UBE2E2: variants seen among roughly 807,000 people sequenced by gnomAD.
The protein encoded by UBE2E2 is ubiquitin conjugating enzyme E2 E2.
A neutral mutation model predicts 24.7 loss-of-function variants in UBE2E2; 6 were observed. The ratio of observed to expected loss-of-function variants is 0.24; its 90% CI spans 0.13 to 0.48. The LOEUF is 0.48. UBE2E2 is among the 20% of genes least tolerant of loss of function. UBE2E2 has a pLI of 0.99. For synonymous variants in UBE2E2, 104 were observed against 83.6 expected, an observed-to-expected ratio of 1.24 and a Z score of -1.33; for missense variants, 169 against 245.0, an observed-to-expected ratio of 0.69 and a Z score of 2.07.
chr3:23,512,052 C>T (rs1181628411), intron 4 of UBE2E2, among the ~76,000 whole-genome samples: 1 of 152,040 alleles, frequency 6.6e-6, no homozygotes, highest in Non-Finnish European at 1.5e-5. Context: ...AGGCCAGGGT[C>T]AGGATTAGAA....
rs1559384674 is a variant in UBE2E2, at chr3:23,441,414, C to T, written c.228-58194C>T. On this transcript the variant is annotated intron_variant, in intron 3 of 5. Transcript: ENST00000396703. ...ATTAGCTGGGCATGGTGGCGGGCGC[C>T]TGTAGTCCCAGCTACTCGGGAGGCT... Among the ~76,000 whole-genome samples the T allele has an allele frequency of 2.6e-5, 4 of 151,334 alleles. No homozygotes were observed. In the South Asian group the frequency reaches 6.3e-4, roughly 24 times the overall value.
chr3:23,294,725 A>G (rs1337307311), intron 3 of UBE2E2, among the ~76,000 whole-genome samples: 1 of 147,878 alleles, frequency 6.8e-6, no homozygotes, highest in Non-Finnish European at 1.5e-5. Flanking sequence ...AATAAATAAT[A>G]TATTTTAAAG....
chr3:23,433,403 T>C (rs1698110784), intron 3 of UBE2E2, among the ~76,000 whole-genome samples: 1 of 151,842 alleles, frequency 6.6e-6, no homozygotes, highest in African/African-American at 2.4e-5. Flanking sequence ...AGTGATAGAG[T>C]TCTTGAGTGT....
intron 3 of UBE2E2, among the ~76,000 whole-genome samples, chr3:23,334,097 G>A (rs192562201): frequency 5.7e-4 from 86 of 152,208 alleles, no homozygotes; most frequent in African/African-American, 1.9e-3. Context: ...ATCTTAAATT[G>A]AAATATGCAC....
intron 3 of UBE2E2, among the ~76,000 whole-genome samples, chr3:23,246,154 C>A (rs951240012): frequency 6.6e-6 from 1 of 151,858 alleles, no homozygotes; most frequent in Admixed American, 6.6e-5. Flanking sequence ...AAGTGGGGCT[C>A]AAGTGATCCT....
intron 1 of UBE2E2, chr3:23,204,612 G>A (rs1696096280): frequency 1.6e-5 from 14 of 897,094 alleles, no homozygotes; most frequent in Non-Finnish European, 1.9e-5. Context: ...TGGCTCTTTG[G>A]AATTCTGTAT....
chr3:23,550,885 A>G (rs1406206678), intron 5 of UBE2E2, among the ~76,000 whole-genome samples: 1 of 152,224 alleles, frequency 6.6e-6, no homozygotes, highest in Non-Finnish European at 1.5e-5. Flanking sequence ...GGGATTGTAC[A>G]GAGAGAATGC....
intron 3 of UBE2E2, among the ~76,000 whole-genome samples, chr3:23,218,077 A>G (rs1309204936): frequency 6.6e-6 from 1 of 152,120 alleles, no homozygotes; most frequent in Admixed American, 6.6e-5. Context: ...TCTGGTTTAA[A>G]ATGATAATCT....
Position 23,214,579 on chromosome 3 carries a change from GT to G in UBE2E2, c.177-2673del, listed in dbSNP as rs145539000. Among the ~76,000 whole-genome samples the G allele has an allele frequency of 8.2e-3, 1,190 of 144,872 alleles. 10 individuals are homozygous for G. Among genetic ancestry groups the G allele is most frequent in the African/African-American group, 0.027 (1,076 of 39,538 alleles). ...CCCAGGATTTATGAGTTTTTTTTTT[GT>G]TTTTTTTTTAAACCTAAAGGGCAGT... On this transcript the variant is annotated intron_variant, in intron 2 of 5. Transcript: ENST00000396703.
intron 3 of UBE2E2, among the ~76,000 whole-genome samples, chr3:23,419,712 T>C (rs549659565): frequency 6.6e-6 from 1 of 152,338 alleles, no homozygotes; most frequent in South Asian, 2.1e-4. Context: ...TTATGGCCTT[T>C]GTGTCTCGTA....
intron 3 of UBE2E2, among the ~76,000 whole-genome samples, chr3:23,312,884 A>G (rs1481058273): frequency 6.6e-6 from 1 of 151,970 alleles, no homozygotes; most frequent in African/African-American, 2.4e-5. Flanking sequence ...TTTAATTTCC[A>G]TGTGTTTATA....
At chr3:23,203,997 AG>A (rs947091416) in intron 1 of UBE2E2, among the ~76,000 whole-genome samples, 2 of 151,772 alleles carry the variant, frequency 1.3e-5, no homozygotes, top group African/African-American at 4.8e-5. Flanking sequence ...TGTCCTGGTG[AG>A]GGGTGTGTGT....
chr3:23,446,146 T>C (rs770772063), intron 3 of UBE2E2, among the ~76,000 whole-genome samples: 1 of 152,224 alleles, frequency 6.6e-6, no homozygotes, highest in Non-Finnish European at 1.5e-5. Flanking sequence ...TCGGGGTCTC[T>C]GATAAATGGA....
At position 23,579,444 on chromosome 3, in the gene UBE2E2, G is replaced by A. The variant is rs111643332; in HGVS notation, c.509-10290G>A. 6.9e-3 allele frequency among the ~76,000 whole-genome samples: 1,029 copies of A among 148,780 alleles called. 13 individuals are homozygous for A. Among genetic ancestry groups the A allele is most frequent in the African/African-American group, 0.024 (968 of 40,368 alleles). ...GGTGACTCATATCTGTAATCCCAGTGCTTTGGGAGGCTAGGTGGGAGGATC... is the reference window on the plus strand; with the variant it reads ...GGTGACTCATATCTGTAATCCCAGTACTTTGGGAGGCTAGGTGGGAGGATC... On this transcript the variant is annotated intron_variant, in intron 5 of 5. Transcript: ENST00000396703.
Position 23,208,884 on chromosome 3 carries a change from G to A in UBE2E2, c.176+9G>A. 1.2e-6 allele frequency: 2 copies of A among 1,602,282 alleles called. No individual in the cohort carries two copies. The highest frequency in any genetic ancestry group is 1.7e-6 in the Non-Finnish European group (2 of 1,174,332). On this transcript the variant is annotated intron_variant, in intron 2 of 5. Coordinates refer to ENST00000396703, the MANE Select transcript of UBE2E2 (RefSeq NM_152653.4). ...TCAACTAGTGCTAAAAGGTACTTCA[G>A]TTATTATAACCTTTTTATTGTTGGT... is the stretch of plus-strand genomic sequence containing the variant.
chr3:23,405,729 C>T (rs1300638786), intron 3 of UBE2E2, among the ~76,000 whole-genome samples: 1 of 152,140 alleles, frequency 6.6e-6, no homozygotes, highest in Non-Finnish European at 1.5e-5. Context: ...ATTTACCACA[C>T]TCTTTAACAT....
At chr3:23,288,086 G>T (rs143668377) in intron 3 of UBE2E2, among the ~76,000 whole-genome samples, 215 of 152,054 alleles carry the variant, frequency 1.4e-3, no homozygotes, top group Non-Finnish European at 2.3e-3. Flanking sequence ...TCTTAGTACT[G>T]CTTTTGCTAC....
intron 3 of UBE2E2, among the ~76,000 whole-genome samples, chr3:23,357,979 G>C (rs986775285): frequency 6.6e-6 from 1 of 152,138 alleles, no homozygotes; most frequent in South Asian, 2.1e-4. Flanking sequence ...GGGACTGCAG[G>C]TGTGCACCAC....
At chr3:23,540,040 G>A (rs1695354249) in intron 5 of UBE2E2, among the ~76,000 whole-genome samples, 1 of 151,890 alleles carries the variant, frequency 6.6e-6, no homozygotes, top group Non-Finnish European at 1.5e-5. Flanking sequence ...GTAAGGTTTA[G>A]GAATTAGGGT....
Sources: gnomAD v4.1 joint callset for allele counts (sites outside exome capture counted in the v4.1 genomes callset) on GRCh38, gnomAD v4.1.1 for gene constraint, MANE v1.5 for transcripts, NCBI Gene and HGNC (gene_info 2026-07-23, HGNC 2026-07-21) for gene names.